The following SMYD3 variants were observed in gnomAD, a reference collection of about 807,000 sequenced individuals.
SMYD3 encodes SET and MYND domain containing 3.
A neutral mutation model predicts 57.7 loss-of-function variants in SMYD3; 36 were observed. The observed-to-expected ratio is 0.62, with a 90% confidence interval of 0.48 to 0.82. The LOEUF is 0.82. SMYD3 is among the 40% of genes least tolerant of loss of function. SMYD3 has a pLI of 0.00. For missense variants in SMYD3, 515 were observed against 538.8 expected (o/e 0.96, Z 0.44); for synonymous variants, 211 against 195.0 (o/e 1.08, Z -0.68).
chr1:245,939,200 A>G (rs1430106230), intron 5 of SMYD3, among the ~76,000 whole-genome samples: 1 of 152,144 alleles, frequency 6.6e-6, no homozygotes, highest in African/African-American at 2.4e-5. Context: ...AAGAAAATAG[A>G]TAATTTAGAA....
Position 246,322,762 on chromosome 1 carries a change from T to C in SMYD3, c.531+4439A>G, listed in dbSNP as rs151087196. Among the ~76,000 whole-genome samples the C allele has an allele frequency of 3.2e-4, 48 of 152,330 alleles. 1 individual carries two copies. In the East Asian group the frequency reaches 8.1e-3, roughly 26 times the overall value. On this transcript the variant is annotated intron_variant, in intron 5 of 11. Transcript: ENST00000490107. ...CTATCCAAATAAAGCTGCAAGTAATTTGCTCTAGCCTCTCCATCCAACAGA... is the reference window on the plus strand; with the variant it reads ...CTATCCAAATAAAGCTGCAAGTAATCTGCTCTAGCCTCTCCATCCAACAGA...
At chr1:245,900,011 A>G (rs1236404797) in intron 8 of SMYD3, among the ~76,000 whole-genome samples, 1 of 152,168 alleles carries the variant, frequency 6.6e-6, no homozygotes, top group Admixed American at 6.5e-5. Flanking sequence ...CAGCTTGCCA[A>G]CTGCAGATCT....
In SMYD3 at chr1:246,489,452, G is replaced by C. The variant is rs562026674; in HGVS notation, c.164+17602C>G. Among the ~76,000 whole-genome samples, 1,446 of 152,310 alleles carry C rather than the reference G, an allele frequency of 9.5e-3. 15 individuals are homozygous for C. The highest frequency in any genetic ancestry group is 0.04 in the South Asian group (191 of 4,822). ...ATTTACTCCTCATGAAGATCACGAG[G>C]TAGCTATTTCCCTATTTTATGAATG... On this transcript the variant is annotated intron_variant, in intron 1 of 11. Coordinates refer to ENST00000490107, the MANE Select transcript of SMYD3 (RefSeq NM_001167740.2).
intron 2 of SMYD3, among the ~76,000 whole-genome samples, chr1:246,346,548 G>A (rs555982596): frequency 1.2e-3 from 184 of 152,296 alleles, no homozygotes; most frequent in Non-Finnish European, 2.3e-3. Flanking sequence ...AGTGGAAGGG[G>A]AAGCAAACAC....
intron 5 of SMYD3, among the ~76,000 whole-genome samples, chr1:246,039,545 T>C (rs1412548638): frequency 6.6e-6 from 1 of 152,202 alleles, no homozygotes; most frequent in Non-Finnish European, 1.5e-5. Flanking sequence ...GATTGCTGTA[T>C]CCCTCAAACT....
At chr1:246,464,471 T>G (rs889865067) in intron 1 of SMYD3, among the ~76,000 whole-genome samples, 1 of 152,092 alleles carries the variant, frequency 6.6e-6, no homozygotes, top group Non-Finnish European at 1.5e-5. Flanking sequence ...GAGCCATGAC[T>G]GCTCCACTGC....
chr1:245,749,726 A>G, intron 11 of SMYD3, 62 bp from the exon 12 acceptor site: 1 of 1,322,782 alleles, frequency 7.6e-7, no homozygotes, highest in Non-Finnish European at 1.1e-6. Context: ...GCCATTCCCC[A>G]CCTTTACCCC....
intron 5 of SMYD3, among the ~76,000 whole-genome samples, chr1:246,233,238 G>C (rs2063448441): frequency 8.3e-6 from 1 of 119,984 alleles, no homozygotes; most frequent in Non-Finnish European, 1.7e-5. Context: ...CCACACAGAG[G>C]AGAAGCACTC....
At chr1:245,776,091 C>T (rs560073996) in intron 10 of SMYD3, among the ~76,000 whole-genome samples, 36 of 152,322 alleles carry the variant, frequency 2.4e-4, no homozygotes, top group African/African-American at 8.2e-4. Context: ...TCTACATCCA[C>T]GAAGACCGTA....
chr1:245,824,864 A>C (rs911085677), intron 10 of SMYD3, among the ~76,000 whole-genome samples: 16 of 151,320 alleles, frequency 1.1e-4, no homozygotes, highest in Non-Finnish European at 2.4e-4. Flanking sequence ...CTCAAAAAAA[A>C]AAAAACAAAA....
intron 5 of SMYD3, among the ~76,000 whole-genome samples, chr1:246,272,361 A>G (rs1381021129): frequency 3.9e-5 from 6 of 152,316 alleles, no homozygotes; most frequent in Admixed American, 1.3e-4. Flanking sequence ...CTCATCCTCA[A>G]TCTTAAAGGA....
intron 10 of SMYD3, among the ~76,000 whole-genome samples, chr1:245,798,329 G>A (rs1036589179): frequency 7.6e-5 from 2 of 26,482 alleles, no homozygotes; most frequent in African/African-American, 2.3e-4. Context: ...CCGGCCCATG[G>A]GGAAGGGCAG....
intron 5 of SMYD3, among the ~76,000 whole-genome samples, chr1:245,972,304 T>C (rs758808138): frequency 2.0e-5 from 3 of 152,204 alleles, no homozygotes; most frequent in Non-Finnish European, 4.4e-5. Context: ...AGTTAACATA[T>C]GTGAATTTCC....
rs76905486 is a variant in SMYD3 at position 246,221,122 on chromosome 1, G to A, written c.531+106079C>T. On this transcript the variant is annotated intron_variant, in intron 5 of 11. Coordinates refer to ENST00000490107, the MANE Select transcript of SMYD3 (RefSeq NM_001167740.2). The stretch of plus-strand genomic sequence containing the variant: ...CTCTCTGCCAAGAGCTGGAGACAAC[G>A]GAACAACTAGCCAAACAGAGAAGCT... 2.7e-3 allele frequency among the ~76,000 whole-genome samples: 408 copies of A among 152,082 alleles called. 3 individuals carry two copies. The highest frequency in any genetic ancestry group is 9.2e-3 in the African/African-American group (380 of 41,448).
At chr1:246,370,007 G>A (rs1186034634) in intron 1 of SMYD3, among the ~76,000 whole-genome samples, 1 of 152,140 alleles carries the variant, frequency 6.6e-6, no homozygotes, top group Non-Finnish European at 1.5e-5. Context: ...AGCACTTTGG[G>A]AAAAGCACAG....
In SMYD3 at chr1:245,881,318, C is replaced by T. The variant is rs536271708; in HGVS notation, c.814-17432G>A. 1.3e-4 allele frequency among the ~76,000 whole-genome samples: 20 copies of T among 152,078 alleles called. No individual in the cohort carries two copies. The South Asian group carries it at 2.1e-3, about 16-fold the overall frequency. On this transcript the variant is annotated intron_variant, in intron 8 of 11. Coordinates refer to ENST00000490107, the MANE Select transcript of SMYD3 (RefSeq NM_001167740.2). ...GGAAATATATATCCTGTCTTTCCAA[C>T]GGGTGGTTTACATGTGAGTTTGTAG...
intron 5 of SMYD3, among the ~76,000 whole-genome samples, chr1:246,080,657 T>C (rs1214926379): frequency 6.6e-6 from 1 of 152,170 alleles, no homozygotes; most frequent in African/African-American, 2.4e-5. Flanking sequence ...GGACTCTTCT[T>C]TTACCATACA....
chr1:246,317,230 T>C (rs1038075150), intron 5 of SMYD3, among the ~76,000 whole-genome samples: 13 of 152,240 alleles, frequency 8.5e-5, no homozygotes, highest in African/African-American at 2.9e-4. Context: ...AATTACTGTG[T>C]GTGTACTGTG....
chr1:246,396,557 T>C (rs1225825046), intron 1 of SMYD3, among the ~76,000 whole-genome samples: 1 of 152,188 alleles, frequency 6.6e-6, no homozygotes, highest in African/African-American at 2.4e-5. Flanking sequence ...ATTTTGATAC[T>C]TAAGATAACC....
Sources: gnomAD v4.1 joint callset for allele counts (sites outside exome capture counted in the v4.1 genomes callset) on GRCh38, gnomAD v4.1.1 for gene constraint, MANE v1.5 for transcripts, NCBI Gene and HGNC (gene_info 2026-07-23, HGNC 2026-07-21) for gene names.